Variants in KIAA2012 observed in about 807,000 individuals in gnomAD.
KIAA2012 encodes the protein uncharacterized protein KIAA2012.
A neutral mutation model predicts 150.6 loss-of-function variants in KIAA2012; 125 were observed. The observed-to-expected ratio is 0.83, with a 90% confidence interval of 0.72 to 0.96. The LOEUF is 0.96. Ranked by LOEUF, KIAA2012 falls within the 40% of genes least tolerant of loss-of-function variation. The probability of loss-of-function intolerance (pLI) is 0.00; values close to 1 mark genes in which losing one functional copy is unlikely to be tolerated. For missense variants in KIAA2012, 1,219 were observed against 1,354.9 expected (o/e 0.90, Z 1.57); for synonymous variants, 462 against 504.7 (o/e 0.92, Z 1.13).
intron 1 of KIAA2012, 64 bp downstream of exon 1, chr2:202,073,775 C>T (rs770405270): frequency 7.1e-6 from 10 of 1,412,070 alleles, no homozygotes; most frequent in Non-Finnish European, 9.8e-6. Context: ...TATGTTTCCA[C>T]TTGGGAGGTA....
intron 13 of KIAA2012, among the ~76,000 whole-genome samples, chr2:202,142,948 A>G (rs978501202): frequency 2.0e-5 from 3 of 151,090 alleles, no homozygotes; most frequent in Non-Finnish European, 4.4e-5. Context: ...TGATTGCAGG[A>G]TGTTAAGCAG....
chr2:202,155,315 T>G (rs542521890), intron 14 of KIAA2012, among the ~76,000 whole-genome samples: 28 of 152,356 alleles, frequency 1.8e-4, no homozygotes, highest in African/African-American at 6.3e-4. Flanking sequence ...TTAAGGGTTC[T>G]GAGGGTTTCT....
At chr2:202,189,426 G>A (rs1559233247) in intron 18 of KIAA2012, among the ~76,000 whole-genome samples, 1 of 151,678 alleles carries the variant, frequency 6.6e-6, no homozygotes, top group Non-Finnish European at 1.5e-5. Context: ...CGAGTACCTG[G>A]GATTATAGGC....
At chr2:202,159,034 C>T (rs1691596653) in intron 14 of KIAA2012, among the ~76,000 whole-genome samples, 2 of 152,164 alleles carry the variant, frequency 1.3e-5, no homozygotes, top group African/African-American at 2.4e-5. Context: ...GGACAACAGC[C>T]AGCCATGCCT....
chr2:202,111,297 C>A (rs1487982817), intron 10 of KIAA2012, among the ~76,000 whole-genome samples: 1 of 148,458 alleles, frequency 6.7e-6, no homozygotes, highest in African/African-American at 2.5e-5. Flanking sequence ...GAGTTCAAGA[C>A]CAGCTTGTGC....
chr2:202,095,772 A>C (rs1010262531), intron 4 of KIAA2012, among the ~76,000 whole-genome samples: 1 of 152,108 alleles, frequency 6.6e-6, no homozygotes, highest in Non-Finnish European at 1.5e-5. Flanking sequence ...GCCCACCCCA[A>C]CTTAGATACC....
chr2:202,133,818 TAAAC>T (rs1244251496), intron 12 of KIAA2012, among the ~76,000 whole-genome samples: 2 of 152,216 alleles, frequency 1.3e-5, no homozygotes, highest in African/African-American at 4.8e-5. Flanking sequence ...TCTCCTGCAT[TAAAC>T]AAGCAGACTC....
intron 19 of KIAA2012, among the ~76,000 whole-genome samples, 200 bp downstream of exon 19, chr2:202,190,693 C>T (rs1692314154): frequency 6.6e-6 from 1 of 152,172 alleles, no homozygotes. Flanking sequence ...AGCAAAGCCC[C>T]TCTGAAGTGG....
chr2:202,192,094 A>C (rs1386349555), intron 19 of KIAA2012, among the ~76,000 whole-genome samples: 1 of 152,200 alleles, frequency 6.6e-6, no homozygotes, highest in Non-Finnish European at 1.5e-5. Context: ...TGGATCACAC[A>C]ATTCGGCTCT....
intron 2 of KIAA2012, among the ~76,000 whole-genome samples, chr2:202,085,754 G>C (rs10185977): frequency 0.29 from 44,813 of 151,972 alleles, 7,091 homozygotes; most frequent in East Asian, 0.38. Flanking sequence ...CAAATCCTAA[G>C]CAAAAATATA....
intron 12 of KIAA2012, among the ~76,000 whole-genome samples, chr2:202,132,557 C>A (rs941001110): frequency 6.6e-6 from 1 of 151,050 alleles, no homozygotes; most frequent in Non-Finnish European, 1.5e-5. Context: ...ATCCCAGCTA[C>A]GCGGGAGGGG....
At chr2:202,182,370 C>T (rs1198626444) in intron 15 of KIAA2012, among the ~76,000 whole-genome samples, 1 of 151,980 alleles carries the variant, frequency 6.6e-6, no homozygotes, top group African/African-American at 2.4e-5. Flanking sequence ...CTCAGCCCCC[C>T]AAAAGTGCTG....
chr2:202,203,617 T>C (rs1412990082), intron 23 of KIAA2012, among the ~76,000 whole-genome samples: 1 of 152,190 alleles, frequency 6.6e-6, no homozygotes, highest in African/African-American at 2.4e-5. Context: ...AGCACAGATG[T>C]AGAATATTTC....
chr2:202,118,363 G>A (rs894292304), intron 11 of KIAA2012, among the ~76,000 whole-genome samples: 2 of 152,136 alleles, frequency 1.3e-5, no homozygotes, highest in African/African-American at 2.4e-5. Context: ...TCCAGTGGGT[G>A]TTCCTGTACT....
At chr2:202,197,898 G>C (rs1042837982) in intron 22 of KIAA2012, 1 of 151,276 alleles carries the variant, frequency 6.6e-6, no homozygotes, top group East Asian at 1.9e-4. Flanking sequence ...GGGCTGCCGG[G>C]TGCAGTGGCT....
chr2:202,128,625 G>C (rs1278037430), intron 12 of KIAA2012, among the ~76,000 whole-genome samples: 1 of 151,854 alleles, frequency 6.6e-6, no homozygotes, highest in Non-Finnish European at 1.5e-5. Flanking sequence ...CTATTACCTG[G>C]TAATATGCTG....
intron 12 of KIAA2012, among the ~76,000 whole-genome samples, chr2:202,133,130 A>ATATATATATTTTTTTTTTTTTTT (rs1279080237): frequency 3.4e-4 from 23 of 67,736 alleles, no homozygotes; most frequent in Middle Eastern, 8.5e-3. Flanking sequence ...ATATATATAT[A>ATATATATATTTTTTTTTTTTTTT]TTTTTTTTTT....
intron 2 of KIAA2012, among the ~76,000 whole-genome samples, chr2:202,077,714 G>C (rs572351533): frequency 1.3e-5 from 2 of 152,156 alleles, no homozygotes; most frequent in African/African-American, 4.8e-5. Flanking sequence ...CCTCACACCT[G>C]TAATCCAGCA....
intron 15 of KIAA2012, among the ~76,000 whole-genome samples, chr2:202,182,208 G>A (rs369300775): frequency 2.8e-5 from 4 of 141,454 alleles, no homozygotes; most frequent in Admixed American, 7.7e-5. Flanking sequence ...TCCACCTCCC[G>A]GGTTCAAGCC....
Sources: allele counts gnomAD v4.1 joint callset (sites outside exome capture counted in the v4.1 genomes callset), GRCh38; gene constraint gnomAD v4.1.1; transcripts MANE v1.5; gene names NCBI Gene and HGNC (gene_info 2026-07-23, HGNC 2026-07-21).